PLCB1: variants seen among roughly 807,000 people sequenced by gnomAD.
The protein encoded by PLCB1 is phospholipase C beta 1.
PLCB1 carries 46 observed loss-of-function variants against 161.8 expected under a neutral mutation model. That is an observed-to-expected ratio of 0.28 (90% CI 0.22 to 0.36). The LOEUF is 0.36. Ranked by LOEUF, PLCB1 falls within the 10% of genes least tolerant of loss-of-function variation. The pLI, the probability that PLCB1 is intolerant of heterozygous loss-of-function variation, is 1.00. For synonymous variants in PLCB1, 517 were observed against 503.7 expected (o/e 1.03, Z -0.35); for missense variants, 1,016 against 1,472.5 (o/e 0.69, Z 5.07).
chr20:8,535,202 CAAAAAAAAAAA>C (rs11323420), intron 3 of PLCB1, among the ~76,000 whole-genome samples: 149 of 52,816 alleles, frequency 2.8e-3, no homozygotes, highest in African/African-American at 9.7e-3. Flanking sequence ...AGTTTATGGG[CAAAAAAAAAAA>C]AAAAAAAAAA....
At chr20:8,482,129 G>A (rs1357920018) in intron 3 of PLCB1, among the ~76,000 whole-genome samples, 1 of 114,484 alleles carries the variant, frequency 8.7e-6, no homozygotes, top group Admixed American at 9.3e-5. Flanking sequence ...TTTTGAGAGG[G>A]AGTCTCGCTC....
chr20:8,606,026 T>C (rs368276926), intron 3 of PLCB1, among the ~76,000 whole-genome samples: 5 of 152,212 alleles, frequency 3.3e-5, no homozygotes, highest in Admixed American at 1.3e-4. Flanking sequence ...AGTGCACATA[T>C]AGTACATTTT....
At chr20:8,284,457 G>T (rs2123290080) in intron 2 of PLCB1, among the ~76,000 whole-genome samples, 1 of 152,178 alleles carries the variant, frequency 6.6e-6, no homozygotes, top group African/African-American at 2.4e-5. Flanking sequence ...GAAATTATTG[G>T]CCAAGCACAG....
intron 12 of PLCB1, among the ~76,000 whole-genome samples, chr20:8,714,259 G>T (rs1979179327): frequency 6.6e-6 from 1 of 152,064 alleles, no homozygotes; most frequent in Non-Finnish European, 1.5e-5. Flanking sequence ...GATGGTTCAG[G>T]GGCCACACTT....
In PLCB1 at chr20:8,658,687, A is replaced by G. The variant is rs1989535288; in HGVS notation, c.845A>G (p.Asn282Ser). ...QVLIEKYEPN[N>S]SLARKGQISV... ...TTGATTGAGAAGTATGAACCCAACA[A>G]CAGCCTCGCCAGAAAAGGTCAGTAC... Residue 282 changes from asparagine to serine, a missense_variant, in exon 9 of 32, where the codon AAC becomes AGC. Asn to Ser is a conservative substitution (Grantham distance 46). Around this residue, in one of 10 missense-constraint regions of PLCB1, gnomAD observed 117 missense variants for 142.2 expected, o/e 0.82. Transcript: ENST00000338037. The G allele has an allele frequency of 1.2e-6, 2 of 1,605,482 alleles. No homozygotes were observed. Among genetic ancestry groups the G allele is most frequent in the Non-Finnish European group, 1.7e-6 (2 of 1,177,306 alleles).
At chr20:8,878,256 G>A (rs1034072331) in intron 31 of PLCB1, among the ~76,000 whole-genome samples, 1 of 152,078 alleles carries the variant, frequency 6.6e-6, no homozygotes, top group Non-Finnish European at 1.5e-5. Flanking sequence ...AGGCTCACTT[G>A]CTTTTCTTCC....
At chr20:8,324,115 A>G (rs952599465) in intron 2 of PLCB1, among the ~76,000 whole-genome samples, 4 of 152,076 alleles carry the variant, frequency 2.6e-5, no homozygotes, top group African/African-American at 9.7e-5. Flanking sequence ...GGGCTAGACT[A>G]CTGTGATTAA....
rs537449676 is a variant in PLCB1, at chr20:8,390,279, C to T, written c.246+18829C>T. ...TCGGCTTACAGATGGCTGCCTTCCC[C>T]GCATCTTCACGTGGTCCTCCCTCTG... On this transcript the variant is annotated intron_variant, in intron 3 of 31. Transcript: ENST00000338037. Among the ~76,000 whole-genome samples, 14 of 152,266 alleles carry T rather than the reference C, an allele frequency of 9.2e-5. 2 individuals carry two copies. The South Asian group carries it at 2.9e-3, about 32-fold the overall frequency.
At chr20:8,348,942 T>C (rs770606166) in intron 2 of PLCB1, among the ~76,000 whole-genome samples, 2 of 152,166 alleles carry the variant, frequency 1.3e-5, no homozygotes, top group Non-Finnish European at 2.9e-5. Context: ...TCAAGTGGCT[T>C]TCTTCAACAT....
chr20:8,552,417 G>A (rs1985806059), intron 3 of PLCB1, among the ~76,000 whole-genome samples: 1 of 152,176 alleles, frequency 6.6e-6, no homozygotes, highest in African/African-American at 2.4e-5. Context: ...TTGCAGGGAA[G>A]TGGATGGATG....
intron 3 of PLCB1, among the ~76,000 whole-genome samples, chr20:8,457,728 A>G (rs1055599529): frequency 6.6e-6 from 1 of 151,658 alleles, no homozygotes; most frequent in African/African-American, 2.4e-5. Context: ...ACACACACAC[A>G]CACACACACA....
At chr20:8,723,718 A>T (rs1979773192) in intron 15 of PLCB1, among the ~76,000 whole-genome samples, 1 of 152,110 alleles carries the variant, frequency 6.6e-6, no homozygotes, top group Admixed American at 6.6e-5. Context: ...AGAGCAATTA[A>T]GTAAGTTGCC....
chr20:8,724,679 G>A lies in PLCB1; in HGVS notation c.1605G>A (p.Met535Ile). 6.2e-7 allele frequency: 1 copy of A among 1,607,814 alleles called. No individual in the cohort carries two copies. ...MDEGTAGSEAMATEEMSNLVN... is the reference protein window; with the variant it reads ...MDEGTAGSEAIATEEMSNLVN... ...AGGGGACTGCTGGAAGTGAGGCTAT[G>A]GCCACAGAAGAAATGTCTAATCTGG... The change falls in exon 16 of 32, where the codon ATG (methionine) becomes ATA (isoleucine). Residue 535 changes from methionine to isoleucine, a missense_variant. By Grantham distance (10) the Met-to-Ile change is conservative (BLOSUM62 1). This residue lies in a region of PLCB1 where 109 missense variants were observed against 129.7 expected (regional missense o/e 0.84). Transcript: ENST00000338037.
chr20:8,715,005 GA>G (rs1216165762), intron 12 of PLCB1, among the ~76,000 whole-genome samples: 2 of 151,464 alleles, frequency 1.3e-5, no homozygotes, highest in Non-Finnish European at 1.5e-5. Context: ...ATGAAAATAA[GA>G]ATAAGAATCA....
At chr20:8,825,296 A>G (rs1054989535) in intron 31 of PLCB1, among the ~76,000 whole-genome samples, 2 of 152,218 alleles carry the variant, frequency 1.3e-5, no homozygotes, top group Non-Finnish European at 2.9e-5. Context: ...GGTGCCAGGA[A>G]AACCCAGACT....
chr20:8,214,515 G>A (rs73082276), intron 2 of PLCB1, among the ~76,000 whole-genome samples: 7,305 of 152,060 alleles, frequency 0.048, 245 homozygotes, highest in Middle Eastern at 0.078. Context: ...TTTCTGTACC[G>A]GCTGCAGAGC....
intron 2 of PLCB1, among the ~76,000 whole-genome samples, chr20:8,280,994 T>C (rs1982849846): frequency 6.6e-6 from 1 of 152,226 alleles, no homozygotes; most frequent in South Asian, 2.1e-4. Flanking sequence ...TCTCACTGGT[T>C]ATCTTTGGCC....
intron 27 of PLCB1, among the ~76,000 whole-genome samples, chr20:8,777,248 G>T (rs1982987274): frequency 6.6e-6 from 1 of 152,140 alleles, no homozygotes; most frequent in Admixed American, 6.6e-5. Flanking sequence ...GATGTGATCT[G>T]AAGAAACTTC....
intron 3 of PLCB1, among the ~76,000 whole-genome samples, chr20:8,550,143 C>A (rs757085169): frequency 1.1e-4 from 16 of 152,112 alleles, no homozygotes; most frequent in Non-Finnish European, 1.8e-4. Context: ...AGGGACTTGC[C>A]TTATTTCAGA....
Sources: allele counts gnomAD v4.1 joint callset (sites outside exome capture counted in the v4.1 genomes callset), GRCh38; gene constraint gnomAD v4.1.1; regional missense constraint gnomAD v4.1.1; transcripts MANE v1.5; gene names NCBI Gene and HGNC (gene_info 2026-07-23, HGNC 2026-07-21).